The following SLC44A5 variants were observed in gnomAD, a reference collection of about 807,000 sequenced individuals.
The protein encoded by SLC44A5 is choline transporter-like protein 5.
Under a neutral mutation model 101.8 loss-of-function variants are expected in SLC44A5, and 57 were observed. The observed-to-expected ratio is 0.56, with a 90% CI of 0.45 to 0.70. The LOEUF (loss-of-function observed/expected upper bound fraction) is 0.70, where lower values mean the gene tolerates loss of function less well. SLC44A5 is among the 30% of genes least tolerant of loss of function. SLC44A5 has a pLI of 0.00. For missense variants in SLC44A5, 737 were observed against 853.1 expected (o/e 0.86, Z 1.70); for synonymous variants, 281 against 290.9 (o/e 0.97, Z 0.35).
the SLC44A5 span, among the ~76,000 whole-genome samples, chr1:75,697,015 C>T: frequency 6.6e-5 from 10 of 152,140 alleles, no homozygotes; most frequent in Non-Finnish European, 1.3e-4. Flanking sequence ...TGTAAATATT[C>T]TCTATTTTGA....
chr1:75,488,235 A>G (rs887945961), intron 2 of SLC44A5, among the ~76,000 whole-genome samples: 5 of 152,108 alleles, frequency 3.3e-5, no homozygotes, highest in Middle Eastern at 3.2e-3. Flanking sequence ...TCATCCCAAA[A>G]CCATTCCCCT....
At chr1:75,417,148 T>G (rs1232713155) in intron 2 of SLC44A5, among the ~76,000 whole-genome samples, 2 of 152,164 alleles carry the variant, frequency 1.3e-5, no homozygotes, top group East Asian at 3.8e-4. Flanking sequence ...AATTCCCATG[T>G]GTTATGGGAG....
chr1:75,644,919 T>C, the SLC44A5 span, among the ~76,000 whole-genome samples: 4 of 152,150 alleles, frequency 2.6e-5, no homozygotes, highest in African/African-American at 9.6e-5. Context: ...GAATGATGGT[T>C]TCCAGCTTCA....
chr1:75,545,565 A>G (rs1332702398), intron 1 of SLC44A5, among the ~76,000 whole-genome samples: 2 of 152,200 alleles, frequency 1.3e-5, no homozygotes, highest in Non-Finnish European at 2.9e-5. Flanking sequence ...ACCTCAATTT[A>G]TCTCATCATT....
the SLC44A5 span, among the ~76,000 whole-genome samples, chr1:75,706,166 T>A: frequency 1.6e-4 from 25 of 152,206 alleles, no homozygotes; most frequent in Non-Finnish European, 2.9e-5. Flanking sequence ...GTAATAAATT[T>A]CCCCTAAGTC....
chr1:75,689,975 G>C, the SLC44A5 span, among the ~76,000 whole-genome samples: 2 of 152,130 alleles, frequency 1.3e-5, no homozygotes, highest in African/African-American at 4.8e-5. Context: ...GGGACCCTTA[G>C]ACCAGGCAGC....
chr1:75,688,639 T>A, the SLC44A5 span, among the ~76,000 whole-genome samples: 1 of 152,204 alleles, frequency 6.6e-6, no homozygotes, highest in Non-Finnish European at 1.5e-5. Flanking sequence ...CCTCGGGGGC[T>A]GTGAACACCT....
At chr1:75,577,623 C>A (rs137949019) in intron 1 of SLC44A5, among the ~76,000 whole-genome samples, 26 of 152,240 alleles carry the variant, frequency 1.7e-4, no homozygotes, top group African/African-American at 6.3e-4. Flanking sequence ...TCCGTTTATG[C>A]CTTTATTTCC....
intron 7 of SLC44A5, among the ~76,000 whole-genome samples, chr1:75,244,917 C>T (rs530644566): frequency 6.6e-6 from 1 of 152,240 alleles, no homozygotes; most frequent in African/African-American, 2.4e-5. Context: ...CTTGCTCCAT[C>T]TCCCTACTCT....
At chr1:75,623,342 G>T in the SLC44A5 span, among the ~76,000 whole-genome samples, 4 of 152,008 alleles carry the variant, frequency 2.6e-5, no homozygotes, top group Admixed American at 2.6e-4. Flanking sequence ...AATGAACTAG[G>T]CAAAAAGTAG....
chr1:75,689,778 G>C, the SLC44A5 span, among the ~76,000 whole-genome samples: 808 of 152,260 alleles, frequency 5.3e-3, 8 homozygotes, highest in African/African-American at 0.019. Context: ...AGTGTGATCT[G>C]GTTCCTACAT....
intron 6 of SLC44A5, among the ~76,000 whole-genome samples, chr1:75,258,564 C>T (rs958682093): frequency 5.3e-5 from 8 of 152,112 alleles, no homozygotes; most frequent in Non-Finnish European, 1.0e-4. Flanking sequence ...CTCCCTGGGA[C>T]AGAGCACCTG....
chr1:75,612,058 T>C (rs1156557779), upstream of SLC44A5, among the ~76,000 whole-genome samples: 1 of 152,196 alleles, frequency 6.6e-6, no homozygotes, highest in Non-Finnish European at 1.5e-5. Context: ...CTCTCTAGAA[T>C]TGTTTTCTAA....
chr1:75,391,158 A>T (rs1305935157), intron 3 of SLC44A5, among the ~76,000 whole-genome samples: 1 of 152,172 alleles, frequency 6.6e-6, no homozygotes, highest in African/African-American at 2.4e-5. Flanking sequence ...AGAGAACTAC[A>T]AGGAGAACTA....
At chr1:75,234,993 A>G (rs754822628) in intron 11 of SLC44A5, among the ~76,000 whole-genome samples, 7 of 152,088 alleles carry the variant, frequency 4.6e-5, no homozygotes, top group African/African-American at 2.4e-5. Flanking sequence ...CAACAGACAG[A>G]GTGTAGTACA....
chr1:75,260,091 C>A (rs1325127970), intron 6 of SLC44A5, among the ~76,000 whole-genome samples: 1 of 152,114 alleles, frequency 6.6e-6, no homozygotes, highest in Non-Finnish European at 1.5e-5. Context: ...ATTGTAAAGA[C>A]CATCGATGCT....
intron 3 of SLC44A5, among the ~76,000 whole-genome samples, chr1:75,388,599 T>C (rs1206342113): frequency 1.3e-5 from 2 of 151,864 alleles, no homozygotes; most frequent in Non-Finnish European, 2.9e-5. Flanking sequence ...GCTAACGTGG[T>C]GAAACCCTGT....
intron 4 of SLC44A5, among the ~76,000 whole-genome samples, chr1:75,313,576 T>C (rs990630936): frequency 6.6e-6 from 1 of 152,180 alleles, no homozygotes; most frequent in Non-Finnish European, 1.5e-5. Context: ...CTCCTGGATG[T>C]GGACTGTCCA....
At chr1:75,648,587 AGATTG>A in the SLC44A5 span, among the ~76,000 whole-genome samples, 88 of 152,064 alleles carry the variant, frequency 5.8e-4, no homozygotes, top group South Asian at 1.0e-3. Context: ...TGACCTTCCT[AGATTG>A]TATGGCCTGC....
Sources: allele counts gnomAD v4.1 joint callset (sites outside exome capture counted in the v4.1 genomes callset), GRCh38; gene constraint gnomAD v4.1.1; transcripts MANE v1.5; gene names NCBI Gene and HGNC (gene_info 2026-07-23, HGNC 2026-07-21).